Variants in MYO1H observed in about 807,000 individuals in gnomAD.
MYO1H encodes the protein unconventional myosin-Ih.
A neutral mutation model predicts 149.3 loss-of-function variants in MYO1H; 118 were observed. That is an observed-to-expected ratio of 0.79 (90% CI 0.68 to 0.92). MYO1H has a LOEUF of 0.92. Ranked by LOEUF, MYO1H falls within the 40% of genes least tolerant of loss-of-function variation. MYO1H has a pLI of 0.00. For synonymous variants in MYO1H, 447 were observed against 465.2 expected (o/e 0.96, Z 0.50); for missense variants, 1,212 against 1,280.7 (o/e 0.95, Z 0.82).
Position 109,412,667 on chromosome 12 carries a change from T to A in MYO1H, c.1502+682T>A, listed in dbSNP as rs74608107. Among the ~76,000 whole-genome samples, 575 of 152,276 alleles carry A rather than the reference T, an allele frequency of 3.8e-3. 7 individuals carry two copies. The highest frequency in any genetic ancestry group is 0.013 in the African/African-American group (547 of 41,560). On this transcript the variant is annotated intron_variant, in intron 14 of 31. Coordinates refer to ENST00000310903, the Ensembl canonical transcript of MYO1H. ...TGCGGATCAGATATAGAGTACCACA[T>A]CCCACAAGATCAACTAGACATTTAA...
the MYO1H span, among the ~76,000 whole-genome samples, chr12:109,311,929 T>C: frequency 6.6e-6 from 1 of 152,244 alleles, no homozygotes; most frequent in Non-Finnish European, 1.5e-5. Context: ...GAAAATGCTC[T>C]AATCTGCGTC....
intron 7 of MYO1H, among the ~76,000 whole-genome samples, chr12:109,405,487 T>A (rs146364535): frequency 8.5e-4 from 130 of 152,166 alleles, no homozygotes; most frequent in African/African-American, 3.0e-3. Flanking sequence ...ATTTTTGTGT[T>A]TTTAGTAGAG....
intron 18 of MYO1H, 133 bp from the exon 19 acceptor site, chr12:109,427,336 A>C (rs1007857546): frequency 1.7e-5 from 9 of 533,268 alleles, no homozygotes; most frequent in Non-Finnish European, 3.1e-5. Context: ...AAAAAAAAAA[A>C]ATTAAGACCT....
rs35773327 is a variant in MYO1H at position 109,379,729 on chromosome 12, C to CTTT, written c.13-8934_13-8932dup. Among the ~76,000 whole-genome samples, 66 of 103,470 alleles carry CTTT rather than the reference C, an allele frequency of 6.4e-4. 1 individual carries two copies. The highest frequency in any genetic ancestry group is 9.7e-4 in the African/African-American group (27 of 27,732). 67.9% of individuals were successfully genotyped at this position (103,470 alleles called of 152,430 possible). A position where few individuals can be genotyped will look rare whatever the true frequency, so the allele number is the denominator to read the frequency against. On this transcript the variant is annotated intron_variant, in intron 1 of 31. Transcript: ENST00000310903. ...AAGAAACTGTTTTAGCAATTTTAAC[C>CTTT]TTTTTTTTTTTTTTTTTTTTTTGAG...
At chr12:109,383,554 C>T (rs899353959) in intron 1 of MYO1H, among the ~76,000 whole-genome samples, 1 of 152,220 alleles carries the variant, frequency 6.6e-6, no homozygotes, top group Non-Finnish European at 1.5e-5. Flanking sequence ...CATGTGATGG[C>T]TCAGGAATCC....
chr12:109,399,665 A>G (rs1870078790), intron 5 of MYO1H, among the ~76,000 whole-genome samples: 2 of 151,378 alleles, frequency 1.3e-5, no homozygotes, highest in South Asian at 4.2e-4. Context: ...TAATCCCAGC[A>G]CTTTGGGAGG....
exon 9 of MYO1H, chr12:109,406,800 C>A (rs1469681074): frequency 6.2e-7 from 1 of 1,613,948 alleles, no homozygotes; most frequent in Non-Finnish European, 8.5e-7. Flanking sequence ...TCCTGGGGGT[C>A]CACCCATCAG....
chr12:109,357,355 T>A (rs545476160), intron 1 of MYO1H: 1 of 152,358 alleles, frequency 6.6e-6, no homozygotes, highest in African/African-American at 2.4e-5. Flanking sequence ...GGAAAAGGGT[T>A]ATATTTGAAA....
intron 2 of MYO1H, among the ~76,000 whole-genome samples, chr12:109,391,837 T>A (rs1024127700): frequency 3.3e-5 from 5 of 152,250 alleles, no homozygotes; most frequent in Non-Finnish European, 2.9e-5. Context: ...TTTTTTCATA[T>A]GATTGTTGGC....
At chr12:109,355,896 T>G (rs1431809034) in intron 1 of MYO1H, among the ~76,000 whole-genome samples, 1 of 151,740 alleles carries the variant, frequency 6.6e-6, no homozygotes, top group East Asian at 1.9e-4. Context: ...TCTGGTATTT[T>G]TAGTAGAGAT....
At chr12:109,316,451 G>C in the MYO1H span, among the ~76,000 whole-genome samples, 10 of 152,122 alleles carry the variant, frequency 6.6e-5, no homozygotes, top group Non-Finnish European at 1.3e-4. Flanking sequence ...CTTCCCATTT[G>C]TGTCTGAAGT....
At chr12:109,366,757 T>G (rs1228051728) in intron 1 of MYO1H, among the ~76,000 whole-genome samples, 3 of 152,232 alleles carry the variant, frequency 2.0e-5, no homozygotes, top group South Asian at 4.1e-4. Flanking sequence ...GCAAGAAGGA[T>G]GAGCAAGAAG....
chr12:109,394,171 T>C (rs994848886), intron 3 of MYO1H, among the ~76,000 whole-genome samples: 1 of 152,242 alleles, frequency 6.6e-6, no homozygotes, highest in Admixed American at 6.5e-5. Context: ...TGTAATACTA[T>C]AAGCTGACAG....
chr12:109,358,345 G>C (rs1868656190), intron 1 of MYO1H, among the ~76,000 whole-genome samples: 1 of 152,070 alleles, frequency 6.6e-6, no homozygotes, highest in Non-Finnish European at 1.5e-5. Context: ...AGGATTCCGT[G>C]TTAGGGGAGA....
At chr12:109,435,144 T>C (rs753879929) in intron 21 of MYO1H, 31 bp downstream of exon 21, 35 of 1,426,196 alleles carry the variant, frequency 2.5e-5, no homozygotes, top group Admixed American at 5.5e-5. Context: ...CCGATTTCAA[T>C]AGAATATGAA....
At chr12:109,362,860 A>C (rs971282344) in intron 1 of MYO1H, among the ~76,000 whole-genome samples, 1 of 152,238 alleles carries the variant, frequency 6.6e-6, no homozygotes, top group Non-Finnish European at 1.5e-5. Context: ...ATTTTGCCAT[A>C]GCATATCTTG....
intron 26 of MYO1H, 67 bp downstream of exon 26, chr12:109,441,775 G>A (rs1224379942): frequency 8.8e-6 from 10 of 1,136,318 alleles, no homozygotes; most frequent in East Asian, 7.4e-5. Context: ...GGTGGGGTGC[G>A]GTGGCTCATG....
At chr12:109,413,353 A>G (rs937572229) in intron 14 of MYO1H, among the ~76,000 whole-genome samples, 1 of 152,174 alleles carries the variant, frequency 6.6e-6, no homozygotes, top group Non-Finnish European at 1.5e-5. Context: ...CTACCATCCA[A>G]TTTTGTAAAT....
At position 109,443,353 on chromosome 12, in the gene MYO1H, TATAC is replaced by T. The variant is rs1216476501; in HGVS notation, c.2689-159_2689-156del. Among the ~76,000 whole-genome samples, 91 of 92,016 alleles carry T rather than the reference TATAC, an allele frequency of 9.9e-4. 23 individuals carry two copies. Among genetic ancestry groups the T allele is most frequent in the Middle Eastern group, 6.3e-3 (1 of 160 alleles). The allele number at this position is 92,016 out of a possible 152,430, so 60.4% of individuals were successfully genotyped here. ...GTATGTGTACGTATATATGTGTGTA[TATAC>T]ACACACACACACACACACACACACA... On this transcript the variant is annotated intron_variant, in intron 27 of 31. Transcript: ENST00000310903.
Sources: allele counts gnomAD v4.1 joint callset (sites outside exome capture counted in the v4.1 genomes callset), GRCh38; gene constraint gnomAD v4.1.1; transcripts MANE v1.5; gene names NCBI Gene and HGNC (gene_info 2026-07-23, HGNC 2026-07-21).